Variants in RETREG1 observed in about 807,000 individuals in gnomAD.
RETREG1 encodes reticulophagy regulator 1, also known as family with sequence similarity 134 member B.
In RETREG1, 44 loss-of-function variants were observed where a neutral mutation model predicts 54.8. That is an observed-to-expected ratio of 0.80 (90% CI 0.63 to 1.03). The LOEUF (loss-of-function observed/expected upper bound fraction) is 1.03. Ranked by LOEUF, RETREG1 falls within the 50% of genes least tolerant of loss-of-function variation. The probability of loss-of-function intolerance (pLI) is 0.00; values close to 1 mark genes in which losing one functional copy is unlikely to be tolerated. For synonymous variants in RETREG1, 217 were observed against 238.5 expected, an observed-to-expected ratio of 0.91 and a Z score of 0.83; for missense variants, 554 against 605.1, an observed-to-expected ratio of 0.92 and a Z score of 0.89.
intron 3 of RETREG1, among the ~76,000 whole-genome samples, chr5:16,536,678 T>C (rs1253330638): frequency 6.6e-6 from 1 of 152,198 alleles, no homozygotes; most frequent in Non-Finnish European, 1.5e-5. Context: ...TGTGTCAGAT[T>C]GTTTCAAATG....
chr5:16,520,461 C>T (rs936474429), intron 3 of RETREG1, among the ~76,000 whole-genome samples: 2 of 152,034 alleles, frequency 1.3e-5, no homozygotes, highest in Non-Finnish European at 2.9e-5. Context: ...TCCCGAGTAG[C>T]GGGGATTACA....
rs1041201311 is a variant in RETREG1 at position 16,583,799 on chromosome 5, A to G, written c.321-11697T>C. Among the ~76,000 whole-genome samples, 3 of 151,850 alleles carry G rather than the reference A, an allele frequency of 2.0e-5. No individual in the cohort carries two copies. In the South Asian group the frequency reaches 6.2e-4, roughly 32 times the overall value. On this transcript the variant is annotated intron_variant, in intron 1 of 8. Coordinates refer to ENST00000306320, the MANE Select transcript of RETREG1 (RefSeq NM_001034850.3). ...TGAATGCTATCAACAGCTAAAACAT[A>G]TTTTTTTTGTCTTCAAAGAAAGACC...
Position 16,474,814 on chromosome 5 carries a change from T to C in RETREG1, c.1421A>G (p.Gln474Arg). The C allele has an allele frequency of 1.2e-6, 2 of 1,613,958 alleles. No individual in the cohort carries two copies. The highest frequency in any genetic ancestry group is 2.7e-5 in the African/African-American group (2 of 74,992). Residue 474 changes from glutamine (Q) to arginine (R), a missense_variant, in exon 9 of 9, where the codon CAA becomes CGA. Transcript: ENST00000306320. Reference protein sequence around the residue: ...DQIESELGLTQDQEAEAQQNK... With the variant: ...DQIESELGLTRDQEAEAQQNK... The stretch of plus-strand genomic sequence containing the variant: ...TTGCTGTGCTTCTGCTTCCTGGTCT[T>C]GTGTAAGTCCCAATTCACTCTCAAT...
chr5:16,605,649 C>T (rs1288423762), intron 1 of RETREG1, among the ~76,000 whole-genome samples: 1 of 152,182 alleles, frequency 6.6e-6, no homozygotes, highest in Non-Finnish European at 1.5e-5. Context: ...AAAATATTAA[C>T]TAGGTGGCTT....
At chr5:16,527,315 G>A (rs1295446625) in intron 3 of RETREG1, among the ~76,000 whole-genome samples, 2 of 152,156 alleles carry the variant, frequency 1.3e-5, no homozygotes, top group Non-Finnish European at 2.9e-5. Context: ...CTCCGGGCAG[G>A]GCTTTACAGT....
chr5:16,565,727 C>T (rs1488477175), intron 3 of RETREG1, 36 bp downstream of exon 3: 1 of 1,613,046 alleles, frequency 6.2e-7, no homozygotes, highest in South Asian at 1.1e-5. Context: ...CTCACCCTCC[C>T]TCCATTAAGC....
At chr5:16,483,197 A>C in intron 4 of RETREG1, 149 bp downstream of exon 4, 2 of 871,888 alleles carry the variant, frequency 2.3e-6, no homozygotes, top group Non-Finnish European at 3.7e-6. Flanking sequence ...CACACATCTG[A>C]ACCTTGCTGA....
intron 3 of RETREG1, among the ~76,000 whole-genome samples, chr5:16,546,983 AT>A (rs1741407249): frequency 6.6e-6 from 1 of 152,214 alleles, no homozygotes. Context: ...CTCTCTTGTT[AT>A]TTCTACCACC....
At chr5:16,527,143 T>C (rs1023860698) in intron 3 of RETREG1, among the ~76,000 whole-genome samples, 3 of 152,192 alleles carry the variant, frequency 2.0e-5, no homozygotes, top group East Asian at 1.9e-4. Flanking sequence ...CCTGTTAAAT[T>C]TGTCGACCTC....
At chr5:16,548,652 GT>G (rs1162962057) in intron 3 of RETREG1, among the ~76,000 whole-genome samples, 2 of 152,294 alleles carry the variant, frequency 1.3e-5, no homozygotes, top group East Asian at 3.9e-4. Context: ...TTTCTGTTTG[GT>G]TTCCCATGAA....
intron 1 of RETREG1, among the ~76,000 whole-genome samples, chr5:16,580,518 A>G (rs1193761453): frequency 6.6e-6 from 1 of 152,164 alleles, no homozygotes; most frequent in African/African-American, 2.4e-5. Flanking sequence ...CAAAAACATC[A>G]TGGGGTGCAG....
intron 1 of RETREG1, among the ~76,000 whole-genome samples, chr5:16,587,766 A>G (rs1373010516): frequency 1.3e-5 from 2 of 152,144 alleles, no homozygotes; most frequent in Non-Finnish European, 1.5e-5. Flanking sequence ...CTCTGGCCAC[A>G]TGCATCCATG....
intron 3 of RETREG1, among the ~76,000 whole-genome samples, chr5:16,504,620 A>C (rs1579620186): frequency 6.6e-6 from 1 of 151,804 alleles, no homozygotes; most frequent in South Asian, 2.1e-4. Flanking sequence ...TGCTAAACAC[A>C]CCCGGGGTAT....
At chr5:16,517,045 C>A (rs1273251667) in intron 3 of RETREG1, among the ~76,000 whole-genome samples, 1 of 152,036 alleles carries the variant, frequency 6.6e-6, no homozygotes, top group Non-Finnish European at 1.5e-5. Flanking sequence ...GAAAAGTAAT[C>A]CCTAAGGAGC....
intron 3 of RETREG1, among the ~76,000 whole-genome samples, chr5:16,516,634 T>G (rs1295759658): frequency 6.6e-6 from 1 of 152,210 alleles, no homozygotes; most frequent in Non-Finnish European, 1.5e-5. Context: ...GCCAGGTCTG[T>G]GAATTCACCC....
intron 3 of RETREG1, among the ~76,000 whole-genome samples, chr5:16,522,775 T>C (rs1277927067): frequency 6.6e-6 from 1 of 152,008 alleles, no homozygotes; most frequent in Non-Finnish European, 1.5e-5. Context: ...GAGGCTAAGG[T>C]GGGAGGATCG....
chr5:16,608,456 CT>C (rs1228755828), intron 1 of RETREG1, among the ~76,000 whole-genome samples: 1 of 152,136 alleles, frequency 6.6e-6, no homozygotes, highest in Non-Finnish European at 1.5e-5. Flanking sequence ...AAAACTATAC[CT>C]TTTCTTCTGG....
chr5:16,565,667 G>A, intron 3 of RETREG1, 96 bp downstream of exon 3: 1 of 1,298,850 alleles, frequency 7.7e-7, no homozygotes, highest in Non-Finnish European at 1.1e-6. Context: ...TTAGATTCCT[G>A]TCACTAAAAT....
intron 1 of RETREG1, among the ~76,000 whole-genome samples, chr5:16,574,561 A>C (rs910425818): frequency 7.2e-5 from 11 of 152,158 alleles, no homozygotes; most frequent in Non-Finnish European, 1.2e-4. Context: ...TCACTGGTTC[A>C]AATGCTGTTT....
Sources: gnomAD v4.1 joint callset for allele counts (sites outside exome capture counted in the v4.1 genomes callset) on GRCh38, gnomAD v4.1.1 for gene constraint, MANE v1.5 for transcripts, NCBI Gene and HGNC (gene_info 2026-07-23, HGNC 2026-07-21) for gene names.